Variants in UBP1 observed in about 807,000 individuals in gnomAD.
The protein encoded by UBP1 is upstream-binding protein 1.
In UBP1, 22 loss-of-function variants were observed where a neutral mutation model predicts 76.1. The ratio of observed to expected loss-of-function variants is 0.29; its 90% confidence interval spans 0.21 to 0.41. The LOEUF (loss-of-function observed/expected upper bound fraction) is 0.41, where lower values mean the gene tolerates loss of function less well. Among genes scored for constraint, UBP1 ranks in the 10% least tolerant of loss-of-function variants. The probability of loss-of-function intolerance (pLI) is 1.00; values close to 1 mark genes in which losing one functional copy is unlikely to be tolerated. For missense variants in UBP1, 436 were observed against 668.1 expected (o/e 0.65, Z 3.83); for synonymous variants, 224 against 237.1 (o/e 0.94, Z 0.51).
chr3:33,395,758 A>T (rs1169029103), intron 13 of UBP1, among the ~76,000 whole-genome samples: 1 of 116,534 alleles, frequency 8.6e-6, no homozygotes, highest in Non-Finnish European at 1.8e-5. Context: ...TTGAAAAAAA[A>T]AAAAAAAAAA....
rs549880298 is a variant in UBP1, at chr3:33,395,634, A to G, written c.1390+528T>C. Among the ~76,000 whole-genome samples, 3 of 151,844 alleles carry G rather than the reference A, an allele frequency of 2.0e-5. No homozygotes were observed. In the South Asian group the frequency reaches 6.2e-4, roughly 32 times the overall value. ...ACCAGACGCGCCACACAAGGTGCAC[A>G]ATGCTGGCCGAACACTTGTCAGTGA... is the stretch of plus-strand genomic sequence containing the variant. On this transcript the variant is annotated intron_variant, in intron 13 of 15. Coordinates refer to ENST00000283629, the MANE Select transcript of UBP1 (RefSeq NM_014517.5).
chr3:33,399,638 T>A (rs775397216), intron 11 of UBP1, among the ~76,000 whole-genome samples: 5 of 152,134 alleles, frequency 3.3e-5, no homozygotes, highest in African/African-American at 1.2e-4. Flanking sequence ...TGCCAAGGAC[T>A]AGGGATGGTG....
intron 11 of UBP1, 125 bp downstream of exon 11, chr3:33,400,062 CTG>C: frequency 1.9e-6 from 1 of 526,760 alleles, no homozygotes; most frequent in East Asian, 3.5e-5. Flanking sequence ...AAGAACTTCT[CTG>C]TACATTTTTC....
intron 1 of UBP1, among the ~76,000 whole-genome samples, chr3:33,434,289 CTTTTTTTTT>C (rs371209882): frequency 4.0e-5 from 4 of 101,264 alleles, no homozygotes; most frequent in African/African-American, 1.2e-4. Flanking sequence ...TCAGCAAATC[CTTTTTTTTT>C]TTTTTTTTTT....
chr3:33,392,662 G>C, intron 14 of UBP1, 48 bp from the exon 15 acceptor site: 1 of 1,524,624 alleles, frequency 6.6e-7, no homozygotes, highest in South Asian at 1.2e-5. Flanking sequence ...TCCAACTGTC[G>C]TTTCTTAAAA....
intron 1 of UBP1, among the ~76,000 whole-genome samples, chr3:33,439,268 A>C (rs1398241956): frequency 1.1e-4 from 17 of 152,250 alleles, no homozygotes; most frequent in Admixed American, 6.5e-5. Flanking sequence ...TAATTTACTA[A>C]CATCAAGTGA....
At position 33,389,187 on chromosome 3, in the gene UBP1, G is replaced by C. The variant is rs2043653912; in HGVS notation, c.*1144C>G. On this transcript the variant is annotated 3_prime_UTR_variant, in exon 16 of 16. Coordinates refer to ENST00000283629, the MANE Select transcript of UBP1 (RefSeq NM_014517.5). ...TGAAAGAGGCACTCTTATAGAGAAAGAAGCTAGTATGTGGTGTATAAAAAG... is the reference window on the plus strand; with the variant it reads ...TGAAAGAGGCACTCTTATAGAGAAACAAGCTAGTATGTGGTGTATAAAAAG... 6.6e-6 allele frequency: 1 copy of C among 152,634 alleles called. No homozygotes were observed. The highest frequency in any genetic ancestry group is 1.5e-5 in the Non-Finnish European group (1 of 68,044). The allele number at this position is 152,634 out of a possible 1,614,324, so 9.5% of individuals were successfully genotyped here. A position where few individuals can be genotyped will look rare whatever the true frequency, so the allele number is the denominator to read the frequency against.
chr3:33,422,663 T>A (rs1443974308), intron 2 of UBP1, among the ~76,000 whole-genome samples: 1 of 144,212 alleles, frequency 6.9e-6, no homozygotes, highest in Non-Finnish European at 1.5e-5. Flanking sequence ...AGGTCAAGGC[T>A]GCAATAAGTC....
At chr3:33,402,765 G>A in intron 9 of UBP1, 36 bp downstream of exon 9, 1 of 1,428,468 alleles carries the variant, frequency 7.0e-7, no homozygotes, top group African/African-American at 1.4e-5. Context: ...ATGAGCATTA[G>A]TTAGCTGCAG....
chr3:33,418,847 G>A (rs1290424949), intron 2 of UBP1, among the ~76,000 whole-genome samples: 2 of 97,198 alleles, frequency 2.1e-5, no homozygotes, highest in African/African-American at 4.3e-5. Context: ...CAACAAGAAC[G>A]AAACTCTGTC....
chr3:33,392,776 G>T, intron 14 of UBP1, 162 bp from the exon 15 acceptor site: 1 of 632,588 alleles, frequency 1.6e-6, no homozygotes, highest in Non-Finnish European at 2.7e-6. Context: ...CACACGTGCT[G>T]CACTGCCTTG....
chr3:33,391,514 C>T (rs1346449316), intron 15 of UBP1: 1 of 152,218 alleles, frequency 6.6e-6, no homozygotes. Flanking sequence ...CTTCTCTGAG[C>T]CCCAGACTGG....
intron 1 of UBP1, among the ~76,000 whole-genome samples, chr3:33,433,068 GT>G (rs1180612079): frequency 4.1e-5 from 6 of 147,206 alleles, no homozygotes; most frequent in South Asian, 4.3e-4. Flanking sequence ...AGAGTTTTTT[GT>G]TTTTTTTTTG....
chr3:33,403,896 T>C (rs1441666356), intron 8 of UBP1, among the ~76,000 whole-genome samples: 2 of 152,168 alleles, frequency 1.3e-5, no homozygotes, highest in Non-Finnish European at 2.9e-5. Context: ...TTCATAATCA[T>C]CCTTCTCTCA....
At position 33,393,437 on chromosome 3, in the gene UBP1, A is replaced by G. The variant is rs1248748956; in HGVS notation, c.1408T>C (p.Leu470=). The G allele has an allele frequency of 6.2e-7, 1 of 1,604,394 alleles. No homozygotes were observed. The highest frequency in any genetic ancestry group is 8.5e-7 in the Non-Finnish European group (1 of 1,177,416). ...GAPYVYHAIY[L]EEMIASEVAR... is the part of the protein sequence containing the mutation. ...ACTTCTGAGGCAATCATTTCTTCCA[A>G]GTAGATTGCATGATAAACTGAAATT... Residue 470 remains leucine, a synonymous_variant, in exon 14 of 16, where the codon TTG becomes CTG. Transcript: ENST00000283629.
At chr3:33,391,448 T>G (rs955357173) in intron 15 of UBP1, 7 of 152,216 alleles carry the variant, frequency 4.6e-5, no homozygotes, top group African/African-American at 1.7e-4. Context: ...TTCTACAGCT[T>G]TGAGTCACTG....
At chr3:33,430,996 G>T (rs1170722205) in intron 1 of UBP1, among the ~76,000 whole-genome samples, 2 of 151,904 alleles carry the variant, frequency 1.3e-5, no homozygotes, top group Non-Finnish European at 2.9e-5. Flanking sequence ...TCTATTTAAA[G>T]AAATAAAAGA....
chr3:33,411,271 G>A (rs976514054), intron 5 of UBP1, among the ~76,000 whole-genome samples: 10 of 151,782 alleles, frequency 6.6e-5, no homozygotes, highest in African/African-American at 2.4e-4. Flanking sequence ...TTTTTCAATC[G>A]TATCCTTTTA....
intron 8 of UBP1, among the ~76,000 whole-genome samples, chr3:33,407,944 T>C (rs1055764979): frequency 1.3e-5 from 2 of 152,212 alleles, no homozygotes; most frequent in African/African-American, 2.4e-5. Context: ...TGAAGAGTCA[T>C]GTCATAAAAT....
Sources: allele counts gnomAD v4.1 joint callset (sites outside exome capture counted in the v4.1 genomes callset), GRCh38; gene constraint gnomAD v4.1.1; transcripts MANE v1.5; gene names NCBI Gene and HGNC (gene_info 2026-07-23, HGNC 2026-07-21).